Variants in OSBPL5 observed in about 807,000 individuals in gnomAD.
The protein encoded by OSBPL5 is oxysterol-binding protein-related protein 5.
A neutral mutation model predicts 111.2 loss-of-function variants in OSBPL5; 71 were observed. That is an observed-to-expected ratio of 0.64 (90% confidence interval 0.53 to 0.78). The LOEUF (loss-of-function observed/expected upper bound fraction) is 0.78, where lower values mean the gene tolerates loss of function less well. OSBPL5 is among the 30% of genes least tolerant of loss of function. OSBPL5 has a pLI of 0.00. For missense variants in OSBPL5, 1,210 were observed against 1,189.3 expected (o/e 1.02, Z -0.26); for synonymous variants, 549 against 513.9 (o/e 1.07, Z -0.93).
In OSBPL5 at chr11:3,141,903, GTTTCT is replaced by G. The variant is rs776864272; in HGVS notation, c.-21-12739_-21-12735del. On this transcript the variant is annotated intron_variant, in intron 1 of 21. Coordinates refer to ENST00000263650, the MANE Select transcript of OSBPL5 (RefSeq NM_020896.4). The surrounding 1 kb of genome is among the most constrained non-coding windows in gnomAD (Gnocchi z 6.5). ...ACTTTCTCTCCATGTTACAGTTGCA[GTTTCT>G]TTTCTTTCTTTTTATTTTTTTTGAG... Among the ~76,000 whole-genome samples, 2 of 151,988 alleles carry G rather than the reference GTTTCT, an allele frequency of 1.3e-5. No homozygotes were observed. The highest frequency in any genetic ancestry group is 2.4e-5 in the African/African-American group (1 of 41,376).
At chr11:3,149,547 C>T (rs1387497431) in intron 1 of OSBPL5, among the ~76,000 whole-genome samples, 2 of 152,212 alleles carry the variant, frequency 1.3e-5, no homozygotes, top group African/African-American at 2.4e-5. Context: ...CCGCGCAGGC[C>T]GTGGGGACAG....
intron 10 of OSBPL5, among the ~76,000 whole-genome samples, chr11:3,103,859 C>CAGCCCCATTCCTGCCTCT (rs1564830734): frequency 1.2e-4 from 5 of 40,622 alleles, no homozygotes; most frequent in South Asian, 9.5e-4. Context: ...TTCCAGTCTG[C>CAGCCCCATTCCTGCCTCT]GCAGCCCCCT....
In OSBPL5 at chr11:3,094,342, G is replaced by A. The variant is rs199642438; in HGVS notation, c.1622-8C>T. On this transcript the variant is annotated splice_polypyrimidine_tract_variant and splice_region_variant and intron_variant, in intron 14 of 21. Coordinates refer to ENST00000263650, the MANE Select transcript of OSBPL5 (RefSeq NM_020896.4). Reference sequence around the variant, plus strand: ...TCGTGCCATACAGGATTCCTGAAATGCAGCCAGTGTCAGGGGCCAGGCGGC... The same window carrying A: ...TCGTGCCATACAGGATTCCTGAAATACAGCCAGTGTCAGGGGCCAGGCGGC... 23 of 1,612,022 alleles carry A rather than the reference G, an allele frequency of 1.4e-5. No homozygotes were observed. Among genetic ancestry groups the A allele is most frequent in the Non-Finnish European group, 1.9e-5 (22 of 1,179,184 alleles).
chr11:3,109,261 G>T lies in OSBPL5; in HGVS notation c.692-1316C>A, dbSNP rs543055995. ...TGCCTGTAATTTTTTTGTATTTTTAGTAGAGATGGGGTTTCACCATGTTGG... is the reference window on the plus strand; with the variant it reads ...TGCCTGTAATTTTTTTGTATTTTTATTAGAGATGGGGTTTCACCATGTTGG... On this transcript the variant is annotated intron_variant, in intron 7 of 21. Coordinates refer to ENST00000263650, the MANE Select transcript of OSBPL5 (RefSeq NM_020896.4). The surrounding 1 kb of genome is among the most constrained non-coding windows in gnomAD (Gnocchi z 7.4). Among the ~76,000 whole-genome samples, 5 of 151,396 alleles carry T rather than the reference G, an allele frequency of 3.3e-5. No individual in the cohort carries two copies. The highest frequency in any genetic ancestry group is 2.0e-4 in the Admixed American group (3 of 15,182).
intron 6 of OSBPL5, 126 bp from the exon 7 acceptor site, chr11:3,119,757 C>T (rs1858337821): frequency 2.5e-6 from 2 of 795,850 alleles, no homozygotes; most frequent in South Asian, 3.7e-5. Flanking sequence ...CACAGGGCCA[C>T]CAGGTGGGGC....
At chr11:3,112,046 CATGTGTGTGCATGTGTATGT>C (rs1564837442) in intron 7 of OSBPL5, among the ~76,000 whole-genome samples, 52 of 76,516 alleles carry the variant, frequency 6.8e-4, no homozygotes, top group African/African-American at 1.7e-3. Flanking sequence ...TGTGTGCGCG[CATGTGTGTGCATGTGTATGT>C]GTGTGTGCAT....
intron 13 of OSBPL5, among the ~76,000 whole-genome samples, chr11:3,100,931 G>A (rs1054872938): frequency 3.3e-5 from 5 of 150,964 alleles, no homozygotes; most frequent in African/African-American, 4.9e-5. Context: ...CTGAGCCTGT[G>A]TGATTTGGCA....
chr11:3,095,965 C>T (rs1328695085), intron 14 of OSBPL5, among the ~76,000 whole-genome samples: 1 of 151,282 alleles, frequency 6.6e-6, no homozygotes. Flanking sequence ...TTGAAAAAAA[C>T]TGTGCTGAAC....
At chr11:3,103,460 C>A (rs1857527163) in intron 10 of OSBPL5, 140 bp from the exon 11 acceptor site, 2 of 681,188 alleles carry the variant, frequency 2.9e-6, no homozygotes, top group South Asian at 3.9e-5. Context: ...GCTCTGGTCA[C>A]CCCCAAGCAG....
Position 3,113,529 on chromosome 11 carries a change from C to T in OSBPL5, c.692-5584G>A, listed in dbSNP as rs749162455. Among the ~76,000 whole-genome samples, 20 of 152,214 alleles carry T rather than the reference C, an allele frequency of 1.3e-4. No homozygotes were observed. The highest frequency in any genetic ancestry group is 2.2e-4 in the Non-Finnish European group (15 of 68,002). ...AATTAGCCAGGTGTGTTGGCAGGCA[C>T]CTGTAATCCCAGCTACTCGTGAGGC... On this transcript the variant is annotated intron_variant, in intron 7 of 21. Coordinates refer to ENST00000263650, the MANE Select transcript of OSBPL5 (RefSeq NM_020896.4). This position sits in a 1 kb window ranked among gnomAD's most constrained non-coding sequence, Gnocchi z 4.8.
chr11:3,103,100 C>T (rs1382417331), intron 11 of OSBPL5, 139 bp downstream of exon 11: 5 of 697,638 alleles, frequency 7.2e-6, no homozygotes, highest in South Asian at 6.2e-5. Context: ...CCTGGGCCCT[C>T]TGTGGGGGTG....
rs191514823 is a variant in OSBPL5, at chr11:3,114,369, A to G, written c.691+5178T>C. ...TGTATGGTAAATTTAGTCCTAGAGTAAAATGACTGGTTGTTTAAGAAAGAG... is the reference window on the plus strand; with the variant it reads ...TGTATGGTAAATTTAGTCCTAGAGTGAAATGACTGGTTGTTTAAGAAAGAG... On this transcript the variant is annotated intron_variant, in intron 7 of 21. Transcript: ENST00000263650. Among the ~76,000 whole-genome samples the G allele has an allele frequency of 4.7e-3, 718 of 152,292 alleles. 10 individuals carry two copies. Among genetic ancestry groups the G allele is most frequent in the African/African-American group, 0.016 (685 of 41,576 alleles).
intron 3 of OSBPL5, among the ~76,000 whole-genome samples, chr11:3,124,291 G>A (rs766457666): frequency 7.2e-5 from 11 of 152,076 alleles, no homozygotes; most frequent in African/African-American, 1.2e-4. Flanking sequence ...AGAAGAAAAC[G>A]GCACAAGATG....
chr11:3,088,493 G>T, intron 21 of OSBPL5, 150 bp from the exon 22 acceptor site: 1 of 942,288 alleles, frequency 1.1e-6, no homozygotes, highest in Non-Finnish European at 1.4e-6. Context: ...AACAGAGCGG[G>T]TGGGGGTGGA....
chr11:3,092,649 C>T lies in OSBPL5; in HGVS notation c.2133-91G>A. The stretch of plus-strand genomic sequence containing the variant: ...CCAGTCTTCAGCCCCCCAACAGTGG[C>T]CAGAGACCTCCAGGAGAATGACCAC... On this transcript the variant is annotated intron_variant, in intron 18 of 21. Transcript: ENST00000263650. The surrounding 1 kb of genome is among the most constrained non-coding windows in gnomAD (Gnocchi z 5.4). 7.0e-7 allele frequency: 1 copy of T among 1,434,958 alleles called. No individual in the cohort carries two copies. Among genetic ancestry groups the T allele is most frequent in the Non-Finnish European group, 9.3e-7 (1 of 1,076,226 alleles). 88.9% of individuals were successfully genotyped at this position (1,434,958 alleles called of 1,614,324 possible). A position where few individuals can be genotyped will look rare whatever the true frequency, so the allele number is the denominator to read the frequency against.
At chr11:3,095,301 ACT>A (rs1287876968) in intron 14 of OSBPL5, among the ~76,000 whole-genome samples, 1 of 128,906 alleles carries the variant, frequency 7.8e-6, no homozygotes, top group Non-Finnish European at 1.7e-5. Context: ...ACAGAGTGAG[ACT>A]CTGTCTCAAA....
rs1858365622 is a variant in OSBPL5 at position 3,120,475 on chromosome 11, G to A, written c.552C>T (p.Asp184=). ...CELIERPSKK[D]GFCFKLFHPL... Reference sequence around the variant, plus strand: ...GGTGGAAGAGCTTGAAGCAGAAGCCGTCCTTCTTGGAGGGCCGCTCGATGA... The same window carrying A: ...GGTGGAAGAGCTTGAAGCAGAAGCCATCCTTCTTGGAGGGCCGCTCGATGA... The change falls in exon 6 of 22, where the codon GAC becomes GAT. Residue 184 remains aspartate (D), a synonymous_variant. Transcript: ENST00000263650. The A allele has an allele frequency of 3.7e-6, 6 of 1,613,378 alleles. No homozygotes were observed. Among genetic ancestry groups the A allele is most frequent in the East Asian group, 2.2e-5 (1 of 44,886 alleles).
chr11:3,136,231 C>A (rs2134499174), intron 1 of OSBPL5, among the ~76,000 whole-genome samples: 1 of 152,370 alleles, frequency 6.6e-6, no homozygotes, highest in South Asian at 2.1e-4. Context: ...GCACATGGCC[C>A]CCCTGCCTCC....
chr11:3,132,059 AC>A (rs1025911395), intron 1 of OSBPL5, among the ~76,000 whole-genome samples: 15 of 142,636 alleles, frequency 1.1e-4, no homozygotes, highest in Non-Finnish European at 1.1e-4. Context: ...CCATTCACCC[AC>A]CTGCCACCCC....
Sources: gnomAD v4.1 joint callset for allele counts (sites outside exome capture counted in the v4.1 genomes callset) on GRCh38, gnomAD v4.1.1 for gene constraint, Gnocchi (gnomAD v3.1) non-coding constraint, MANE v1.5 for transcripts, NCBI Gene and HGNC (gene_info 2026-07-23, HGNC 2026-07-21) for gene names.